SYNPR: variants seen among roughly 807,000 people sequenced by gnomAD.
The protein encoded by SYNPR is synaptoporin.
Under a neutral mutation model 32.9 loss-of-function variants are expected in SYNPR, and 23 were observed. The ratio of observed to expected loss-of-function variants is 0.70; its 90% CI spans 0.50 to 0.99. SYNPR has a LOEUF of 0.99. Ranked by LOEUF, SYNPR falls within the 50% of genes least tolerant of loss-of-function variation. The pLI is 0.00. For synonymous variants in SYNPR, 146 were observed against 135.9 expected (o/e 1.07, Z -0.52); for missense variants, 318 against 349.3 (o/e 0.91, Z 0.71).
At chr3:63,379,843 C>T (rs2087943676) in intron 2 of SYNPR, among the ~76,000 whole-genome samples, 1 of 152,094 alleles carries the variant, frequency 6.6e-6, no homozygotes, top group South Asian at 2.1e-4. Flanking sequence ...CCTCCTCCCC[C>T]AACCCCACAA....
chr3:63,220,597 G>A, the SYNPR span, among the ~76,000 whole-genome samples: 1 of 152,086 alleles, frequency 6.6e-6, no homozygotes, highest in Non-Finnish European at 1.5e-5. Context: ...GGGATTTCTG[G>A]TGCCGTGAAA....
At chr3:63,422,060 T>C (rs1432053765) in intron 2 of SYNPR, among the ~76,000 whole-genome samples, 2 of 152,214 alleles carry the variant, frequency 1.3e-5, no homozygotes, top group Non-Finnish European at 2.9e-5. Flanking sequence ...TGCCACATAA[T>C]GTAGGCTAAT....
chr3:63,458,747 T>G (rs1406040026), intron 2 of SYNPR, among the ~76,000 whole-genome samples: 1 of 152,078 alleles, frequency 6.6e-6, no homozygotes, highest in East Asian at 1.9e-4. Context: ...TCTCTATGAG[T>G]CCAATCTTCT....
chr3:63,239,562 T>C (rs1396590028), intron 1 of SYNPR, among the ~76,000 whole-genome samples: 1 of 150,868 alleles, frequency 6.6e-6, no homozygotes, highest in Non-Finnish European at 1.5e-5. Context: ...TCACCAATCC[T>C]ACCGTTGTCA....
chr3:63,442,946 C>A, intron 2 of SYNPR: 1 of 794,478 alleles, frequency 1.3e-6, no homozygotes. Context: ...TTTCCCCATA[C>A]CCTTAAAACA....
chr3:63,253,313 C>T (rs2086352272), intron 2 of SYNPR, among the ~76,000 whole-genome samples: 1 of 151,960 alleles, frequency 6.6e-6, no homozygotes, highest in African/African-American at 2.4e-5. Context: ...AACTACAAAA[C>T]ATGATTGTTC....
intron 2 of SYNPR, among the ~76,000 whole-genome samples, chr3:63,378,732 A>C (rs949069717): frequency 1.5e-4 from 23 of 151,564 alleles, no homozygotes; most frequent in African/African-American, 5.1e-4. Flanking sequence ...ACCCTGTCTC[A>C]TTTCTAGTAT....
chr3:63,326,756 G>T (rs1247350203), intron 2 of SYNPR, among the ~76,000 whole-genome samples: 1 of 152,074 alleles, frequency 6.6e-6, no homozygotes, highest in Non-Finnish European at 1.5e-5. Context: ...GTGATTGCTG[G>T]TAACTTTGAA....
chr3:63,457,674 A>G (rs949315392), intron 2 of SYNPR, among the ~76,000 whole-genome samples: 1 of 152,170 alleles, frequency 6.6e-6, no homozygotes, highest in African/African-American at 2.4e-5. Flanking sequence ...CAGTGGAGAA[A>G]AATTCTAATT....
chr3:63,236,301 G>A (rs2086199741), intron 1 of SYNPR, among the ~76,000 whole-genome samples: 2 of 151,570 alleles, frequency 1.3e-5, no homozygotes, highest in South Asian at 4.2e-4. Flanking sequence ...TTTAATATTG[G>A]GAAGAGTAAT....
At chr3:63,341,136 A>C (rs997572840) in intron 2 of SYNPR, among the ~76,000 whole-genome samples, 2 of 152,172 alleles carry the variant, frequency 1.3e-5, no homozygotes, top group African/African-American at 2.4e-5. Context: ...GAAATCATAC[A>C]GTTTGCAGCC....
intron 2 of SYNPR, among the ~76,000 whole-genome samples, chr3:63,378,303 G>A (rs58557701): frequency 0.031 from 4,674 of 152,012 alleles, 259 homozygotes; most frequent in African/African-American, 0.11. Flanking sequence ...AATAGAGACA[G>A]TAGAATTATA....
At chr3:63,269,564 G>T (rs1304017776) in intron 3 of SYNPR, among the ~76,000 whole-genome samples, 2 of 152,122 alleles carry the variant, frequency 1.3e-5, no homozygotes, top group South Asian at 2.1e-4. Context: ...CTTTTAATGT[G>T]ATTATTGTTA....
chr3:63,470,059 A>G (rs1263306715), intron 2 of SYNPR, among the ~76,000 whole-genome samples: 1 of 152,214 alleles, frequency 6.6e-6, no homozygotes, highest in East Asian at 1.9e-4. Flanking sequence ...ATTGGAAGAC[A>G]TTGCAATAAT....
At chr3:63,351,090 A>G (rs1350601289) in intron 2 of SYNPR, among the ~76,000 whole-genome samples, 1 of 152,130 alleles carries the variant, frequency 6.6e-6, no homozygotes, top group Non-Finnish European at 1.5e-5. Flanking sequence ...CCTAAAGTGA[A>G]CAGTTGTCCC....
intron 2 of SYNPR, among the ~76,000 whole-genome samples, chr3:63,478,742 T>C (rs1000872160): frequency 2.0e-5 from 3 of 152,200 alleles, no homozygotes; most frequent in African/African-American, 7.2e-5. Context: ...GGGTTATCCC[T>C]GTTTTACAGA....
intron 2 of SYNPR, among the ~76,000 whole-genome samples, chr3:63,475,525 A>G (rs1700883141): frequency 6.6e-6 from 1 of 152,178 alleles, no homozygotes; most frequent in South Asian, 2.1e-4. Flanking sequence ...GAGCTAGTGC[A>G]CCACATTAAC....
chr3:63,247,866 T>G (rs945768384), intron 1 of SYNPR, among the ~76,000 whole-genome samples: 1 of 152,138 alleles, frequency 6.6e-6, no homozygotes, highest in Non-Finnish European at 1.5e-5. Flanking sequence ...GGAGTCCATC[T>G]AGGGCCATTT....
At chr3:63,556,886 C>T (rs2106828468) in intron 4 of SYNPR, 145 bp downstream of exon 4, 1 of 854,016 alleles carries the variant, frequency 1.2e-6, no homozygotes, top group Non-Finnish European at 1.7e-6. Context: ...CTCTCGAAGC[C>T]ACAACAAAAA....
Sources: allele counts gnomAD v4.1 joint callset (sites outside exome capture counted in the v4.1 genomes callset), GRCh38; gene constraint gnomAD v4.1.1; transcripts MANE v1.5; gene names NCBI Gene and HGNC (gene_info 2026-07-23, HGNC 2026-07-21).